The following UPF1 variants were observed in gnomAD, a reference collection of about 807,000 sequenced individuals.
UPF1 encodes UPF1 RNA helicase and ATPase, also known as regulator of nonsense transcripts 1.
A neutral mutation model predicts 129.2 loss-of-function variants in UPF1; 9 were observed. The observed-to-expected ratio is 0.07, with a 90% CI of 0.04 to 0.12. UPF1 has a LOEUF of 0.12. Ranked by LOEUF, UPF1 falls within the 10% of genes least tolerant of loss-of-function variation. The pLI, the probability that UPF1 is intolerant of heterozygous loss-of-function variation, is 1.00. For missense variants in UPF1, 788 were observed against 1,525.3 expected (o/e 0.52, Z 8.05); for synonymous variants, 649 against 644.9 (o/e 1.01, Z -0.10).
chr19:18,839,046 C>T (rs1262485630), intron 1 of UPF1, among the ~76,000 whole-genome samples: 2 of 152,146 alleles, frequency 1.3e-5, no homozygotes, highest in Non-Finnish European at 2.9e-5. Flanking sequence ...CAGCTACCAC[C>T]ACATTTCTCT....
chr19:18,860,473 C>CT, intron 16 of UPF1, 35 bp downstream of exon 16: 1 of 1,595,362 alleles, frequency 6.3e-7, no homozygotes. Context: ...GTCTGCAGGT[C>CT]TTGGGGACAG....
At position 18,863,512 on chromosome 19, in the gene UPF1, A is replaced by G; in HGVS notation, c.2675A>G (p.Tyr892Cys). The G allele has an allele frequency of 1.2e-6, 2 of 1,613,894 alleles. No homozygotes were observed. Among genetic ancestry groups the G allele is most frequent in the Non-Finnish European group, 1.7e-6 (2 of 1,179,870 alleles). The change falls in exon 19 of 24, where the codon TAT becomes TGT. Residue 892 changes from tyrosine to cysteine, a missense_variant. Transcript: ENST00000262803. ...QPLWNHLLNY[Y>C]KEQKVLVEGP... The stretch of plus-strand genomic sequence containing the variant: ...CTCTGGAACCACCTGCTGAACTACT[A>G]TAAGGAGCAGAAGGTGCTGGTGGAG...
chr19:18,863,601 A>G lies in UPF1; in HGVS notation c.2764A>G (p.Thr922Ala), dbSNP rs767721321. 1.9e-6 allele frequency: 3 copies of G among 1,613,438 alleles called. No homozygotes were observed. The highest frequency in any genetic ancestry group is 1.3e-5 in the African/African-American group (1 of 75,030). The change falls in exon 19 of 24, where the codon ACT becomes GCT. Residue 922 changes from threonine (T) to alanine (A), a missense_variant. By Grantham distance (58) the Thr-to-Ala change is moderately conservative. Around this residue, in one of 6 missense-constraint regions of UPF1, gnomAD observed 218 missense variants for 318.1 expected, o/e 0.69. Transcript: ENST00000262803. ...CAGCAAGCCACGGAAGCTGGTCAAC[A>G]CTATCAACCCGGTGAGCGCCTGCAC... ...QFSKPRKLVN[T>A]INPGARFMTT...
chr19:18,865,437 C>T lies in UPF1; in HGVS notation c.3006C>T (p.Asn1002=), dbSNP rs1056438865. The part of the protein sequence containing the change: ...MPPPGYFGQA[N]GPAAGRGTPK... Reference sequence around the variant, plus strand: ...CGCCTGGCTATTTTGGACAAGCCAACGGGCCTGCTGCAGGTGAGCATCTGT... The same window carrying T: ...CGCCTGGCTATTTTGGACAAGCCAATGGGCCTGCTGCAGGTGAGCATCTGT... Residue 1002 remains asparagine (N), a synonymous_variant, in exon 21 of 24, where the codon AAC becomes AAT. Coordinates refer to ENST00000262803, the MANE Select transcript of UPF1 (RefSeq NM_002911.4). This position sits in a 1 kb window ranked among gnomAD's most constrained non-coding sequence, Gnocchi z 6.1. The T allele has an allele frequency of 7.4e-6, 12 of 1,613,362 alleles. No homozygotes were observed. Among genetic ancestry groups the T allele is most frequent in the African/African-American group, 1.3e-5 (1 of 74,952 alleles).
chr19:18,841,081 C>T (rs1413574554), intron 1 of UPF1, among the ~76,000 whole-genome samples: 5 of 152,256 alleles, frequency 3.3e-5, no homozygotes, highest in Non-Finnish European at 7.3e-5. Context: ...GCACCGTCCT[C>T]ACCTCTTTTT....
chr19:18,863,649 A>G (rs774904975), intron 19 of UPF1, 37 bp downstream of exon 19: 1 of 1,579,816 alleles, frequency 6.3e-7, no homozygotes, highest in Non-Finnish European at 8.6e-7. Context: ...CAGCACGGAG[A>G]AACCCGGGCC....
chr19:18,835,740 T>C (rs1289141939), intron 1 of UPF1, among the ~76,000 whole-genome samples: 1 of 152,202 alleles, frequency 6.6e-6, no homozygotes, highest in Non-Finnish European at 1.5e-5. Context: ...TGATGGACAT[T>C]TGGGTTGTTT....
chr19:18,851,193 C>G lies in UPF1; in HGVS notation c.810+325C>G, dbSNP rs1194831393. 4.5e-6 allele frequency: 1 copy of G among 224,496 alleles called. No individual in the cohort carries two copies. 13.9% of individuals were successfully genotyped at this position (224,496 alleles called of 1,614,324 possible). On this transcript the variant is annotated intron_variant, in intron 5 of 23. Coordinates refer to ENST00000262803, the MANE Select transcript of UPF1 (RefSeq NM_002911.4). The surrounding 1 kb of genome is among the most constrained non-coding windows in gnomAD (Gnocchi z 4.2). ...TGTGGGCAGACTTGTCCTGCAGAGC[C>G]TGAACCTGCCCAGACAGGTGGGCTG...
chr19:18,834,582 T>G (rs1216274031), intron 1 of UPF1, among the ~76,000 whole-genome samples: 1 of 152,162 alleles, frequency 6.6e-6, no homozygotes, highest in Admixed American at 6.6e-5. Context: ...CCTGTGCTAC[T>G]TGTAATTGAC....
In UPF1 at chr19:18,850,757, C is replaced by G; in HGVS notation, c.699C>G (p.Ile233Met). 1 of 1,611,788 alleles carries G rather than the reference C, an allele frequency of 6.2e-7. No individual in the cohort carries two copies. Among genetic ancestry groups the G allele is most frequent in the South Asian group, 1.1e-5 (1 of 90,842 alleles). ...NWDSSQWQPL[I>M]QDRCFLSWLV... ...ACAGCTCGCAGTGGCAGCCGCTGAT[C>G]CAGGACCGCTGCTTCCTGTCCTGGC... The change falls in exon 5 of 24, where the codon ATC becomes ATG. Residue 233 changes from isoleucine to methionine, a missense_variant. Physicochemically the swap from Ile to Met is conservative, Grantham distance 10. Around this residue, in one of 6 missense-constraint regions of UPF1, gnomAD observed 227 missense variants for 517.9 expected, o/e 0.44. Coordinates refer to ENST00000262803, the MANE Select transcript of UPF1 (RefSeq NM_002911.4). The surrounding 1 kb of genome is among the most constrained non-coding windows in gnomAD (Gnocchi z 7.1).
At chr19:18,854,146 G>T (rs757113) in intron 8 of UPF1, among the ~76,000 whole-genome samples, 120,707 of 151,872 alleles carry the variant, frequency 0.79, 48,160 homozygotes, top group Admixed American at 0.85. Flanking sequence ...ACTGGGAGGG[G>T]TGTTGTTTCT....
At chr19:18,845,461 T>G (rs1473985922) in intron 1 of UPF1, among the ~76,000 whole-genome samples, 1 of 152,144 alleles carries the variant, frequency 6.6e-6, no homozygotes, top group Non-Finnish European at 1.5e-5. Context: ...CAAGGGTATC[T>G]CAGTGTTCAG....
intron 3 of UPF1, chr19:18,849,739 T>C (rs2055638078): frequency 3.6e-6 from 1 of 279,564 alleles, no homozygotes; most frequent in South Asian, 3.4e-5. Context: ...TTGTGGGAAA[T>C]GTCTCTGACC....
Position 18,832,079 on chromosome 19 carries a change from C to T in UPF1, c.-131C>T, listed in dbSNP as rs4808161. On this transcript the variant is annotated 5_prime_UTR_variant, in exon 1 of 24. Coordinates refer to ENST00000262803, the MANE Select transcript of UPF1 (RefSeq NM_002911.4). The surrounding 1 kb of genome is among the most constrained non-coding windows in gnomAD (Gnocchi z 5.6). ...TCTCGGTCCGGCTGGCGCCGGGGCG[C>T]GCGGTTTGGTCCTTTCCGGGCGCGC... The T allele has an allele frequency of 2.4e-6, 2 of 820,286 alleles. No individual in the cohort carries two copies. The highest frequency in any genetic ancestry group is 3.3e-6 in the Non-Finnish European group (2 of 605,174). The allele number at this position is 820,286 out of a possible 1,614,324, so 50.8% of individuals were successfully genotyped here. A position where few individuals can be genotyped will look rare whatever the true frequency, so the allele number is the denominator to read the frequency against.
chr19:18,857,221 G>T, intron 14 of UPF1, 99 bp from the exon 15 acceptor site: 1 of 1,476,272 alleles, frequency 6.8e-7, no homozygotes, highest in Non-Finnish European at 9.2e-7. Context: ...TGGCCAGGTG[G>T]TGTCCTGTGC....
chr19:18,857,388 G>T lies in UPF1; in HGVS notation c.2037G>T (p.Gly679=). ...VVMCKKAAKA[G]LSQSLFERLV... The stretch of plus-strand genomic sequence containing the variant: ...TGTGCAAGAAGGCGGCCAAGGCCGG[G>T]CTGTCACAGTCGCTCTTCGAGCGCC... Residue 679 remains glycine, a synonymous_variant, in exon 15 of 24, where the codon GGG becomes GGT. Coordinates refer to ENST00000262803, the MANE Select transcript of UPF1 (RefSeq NM_002911.4). The T allele has an allele frequency of 1.2e-6, 2 of 1,613,480 alleles. No homozygotes were observed. The highest frequency in any genetic ancestry group is 1.7e-6 in the Non-Finnish European group (2 of 1,180,032).
At chr19:18,839,870 G>A (rs1009501941) in intron 1 of UPF1, among the ~76,000 whole-genome samples, 1 of 152,226 alleles carries the variant, frequency 6.6e-6, no homozygotes, top group African/African-American at 2.4e-5. Context: ...AGGGCCCCAG[G>A]AGTAGGAGTG....
chr19:18,864,000 G>A (rs1354912490), intron 19 of UPF1, among the ~76,000 whole-genome samples, 170 bp from the exon 20 acceptor site: 1 of 152,112 alleles, frequency 6.6e-6, no homozygotes, highest in Non-Finnish European at 1.5e-5. Flanking sequence ...GAGGGCAGGC[G>A]AGACCCAGAG....
rs1201579436 is a variant in UPF1 at position 18,832,389 on chromosome 19, A to AGGCCCGGGCGGCGCGGGC, written c.182_199dup (p.Gly61_Gly66dup). ...GCGGCCCGGGCGGTGGCGGCGCGGG[A>AGGCCCGGGCGGCGCGGGC]GGCCCGGGCGGCGCGGGCGCGGGCG... On this transcript the variant is annotated inframe_insertion, in exon 1 of 24. Transcript: ENST00000262803. This position sits in a 1 kb window ranked among gnomAD's most constrained non-coding sequence, Gnocchi z 5.6. 24 of 1,080,894 alleles carry AGGCCCGGGCGGCGCGGGC rather than the reference A, an allele frequency of 2.2e-5. No individual in the cohort carries two copies. Among genetic ancestry groups the AGGCCCGGGCGGCGCGGGC allele is most frequent in the Non-Finnish European group, 2.6e-5 (23 of 890,438 alleles). 67.0% of individuals were successfully genotyped at this position (1,080,894 alleles called of 1,614,324 possible). A position where few individuals can be genotyped will look rare whatever the true frequency, so the allele number is the denominator to read the frequency against.
Sources: gnomAD v4.1 joint callset for allele counts (sites outside exome capture counted in the v4.1 genomes callset) on GRCh38, gnomAD v4.1.1 for gene constraint, gnomAD v4.1.1 regional missense constraint, Gnocchi (gnomAD v3.1) non-coding constraint, MANE v1.5 for transcripts, NCBI Gene and HGNC (gene_info 2026-07-23, HGNC 2026-07-21) for gene names.